Variants in PTK2 observed in about 807,000 individuals in gnomAD.
PTK2 encodes focal adhesion kinase 1.
In PTK2, 45 loss-of-function variants were observed where a neutral mutation model predicts 150.1. The observed-to-expected ratio is 0.30, with a 90% CI of 0.24 to 0.38. PTK2 has a LOEUF of 0.38. Among genes scored for constraint, PTK2 ranks in the 10% least tolerant of loss-of-function variants. The probability of loss-of-function intolerance (pLI) is 1.00; values close to 1 mark genes in which losing one functional copy is unlikely to be tolerated. For synonymous variants in PTK2, 432 were observed against 449.2 expected (o/e 0.96, Z 0.48); for missense variants, 919 against 1,307.3 (o/e 0.70, Z 4.58).
chr8:140,689,871 G>A (rs566625493), intron 26 of PTK2, among the ~76,000 whole-genome samples: 1 of 152,344 alleles, frequency 6.6e-6, no homozygotes, highest in African/African-American at 2.4e-5. Flanking sequence ...TAGGGGTTCT[G>A]TTGAAGGGCT....
At chr8:140,869,951 T>C (rs147237854) in intron 4 of PTK2, among the ~76,000 whole-genome samples, 129 of 152,212 alleles carry the variant, frequency 8.5e-4, no homozygotes, top group Admixed American at 7.6e-3. Flanking sequence ...TATATGTGTA[T>C]AATATATACA....
chr8:140,689,711 C>A (rs529597546), intron 26 of PTK2, among the ~76,000 whole-genome samples: 5 of 152,148 alleles, frequency 3.3e-5, no homozygotes, highest in Non-Finnish European at 7.4e-5. Context: ...ATATGCAAAG[C>A]AAATGAGGTC....
At chr8:140,871,233 C>A (rs2100142328) in intron 4 of PTK2, among the ~76,000 whole-genome samples, 1 of 152,090 alleles carries the variant, frequency 6.6e-6, no homozygotes, top group Non-Finnish European at 1.5e-5. Flanking sequence ...TTCAAAATTT[C>A]TCCACTAAAT....
intron 1 of PTK2, among the ~76,000 whole-genome samples, chr8:140,999,850 A>C (rs1474684380): frequency 2.0e-5 from 3 of 152,120 alleles, no homozygotes; most frequent in Non-Finnish European, 2.9e-5. Context: ...GCGATGGTTA[A>C]GTCTTAAATA....
chr8:140,872,895 C>T (rs766293164), intron 4 of PTK2, among the ~76,000 whole-genome samples: 6 of 152,058 alleles, frequency 3.9e-5, no homozygotes, highest in Non-Finnish European at 8.8e-5. Flanking sequence ...GTGTGAAATT[C>T]AGTAGTATTT....
chr8:140,986,573 C>CAG (rs1378299092), intron 1 of PTK2, among the ~76,000 whole-genome samples: 1 of 152,164 alleles, frequency 6.6e-6, no homozygotes, highest in Non-Finnish European at 1.5e-5. Context: ...TAAGACAGTG[C>CAG]AGAGAGGGGG....
intron 1 of PTK2, among the ~76,000 whole-genome samples, chr8:140,976,598 T>C (rs1179538004): frequency 1.3e-5 from 2 of 152,222 alleles, no homozygotes; most frequent in Non-Finnish European, 2.9e-5. Context: ...AAACTGGCAG[T>C]TGAGGCAGTC....
intron 22 of PTK2, among the ~76,000 whole-genome samples, chr8:140,720,009 G>A (rs979647970): frequency 2.5e-4 from 38 of 152,118 alleles, no homozygotes; most frequent in African/African-American, 8.7e-4. Flanking sequence ...GGCCTGGTAC[G>A]TTCTAGCTGC....
intron 27 of PTK2, among the ~76,000 whole-genome samples, chr8:140,679,536 G>C (rs760564219): frequency 1.2e-4 from 18 of 152,130 alleles, no homozygotes; most frequent in Non-Finnish European, 2.5e-4. Context: ...TGTGGAGCTA[G>C]GCCTCGTGCA....
At chr8:140,725,243 C>T (rs1297810901) in intron 22 of PTK2, among the ~76,000 whole-genome samples, 1 of 152,212 alleles carries the variant, frequency 6.6e-6, no homozygotes, top group Non-Finnish European at 1.5e-5. Flanking sequence ...ATGTGATCCT[C>T]CCATCTCAGC....
intron 1 of PTK2, among the ~76,000 whole-genome samples, chr8:140,982,864 A>C (rs1049967708): frequency 6.6e-6 from 1 of 152,238 alleles, no homozygotes; most frequent in Non-Finnish European, 1.5e-5. Flanking sequence ...TGAAAGTGGT[A>C]ATGAATAAAC....
intron 1 of PTK2, among the ~76,000 whole-genome samples, chr8:140,971,921 A>G (rs1365452256): frequency 3.3e-5 from 5 of 152,238 alleles, no homozygotes; most frequent in African/African-American, 1.2e-4. Context: ...GAAGTGATTA[A>G]TCTGCAATGC....
intron 1 of PTK2, among the ~76,000 whole-genome samples, chr8:140,977,767 A>G (rs552109045): frequency 6.6e-6 from 1 of 152,312 alleles, no homozygotes; most frequent in Non-Finnish European, 1.5e-5. Context: ...CCTTGGATAA[A>G]GAGAGATTCC....
At chr8:141,001,337 C>T (rs2100200195), upstream of PTK2, 1 of 149,282 alleles carries the variant, frequency 6.7e-6, no homozygotes, top group Non-Finnish European at 1.5e-5. Context: ...GGCGCGCGTC[C>T]TCTCTCGGCA....
intron 25 of PTK2, among the ~76,000 whole-genome samples, chr8:140,702,059 C>T (rs781396740): frequency 2.5e-5 from 3 of 120,458 alleles, no homozygotes; most frequent in Non-Finnish European, 3.2e-5. Context: ...ACGTGGGAGG[C>T]GGAGGTTGCA....
chr8:140,939,356 A>G (rs2100174864), intron 1 of PTK2, among the ~76,000 whole-genome samples: 1 of 152,194 alleles, frequency 6.6e-6, no homozygotes, highest in Non-Finnish European at 1.5e-5. Flanking sequence ...CACATCTATC[A>G]CTGCTATTGA....
In PTK2 at chr8:140,848,562, C is replaced by T. The variant is rs180741997; in HGVS notation, c.451-1884G>A. On this transcript the variant is annotated intron_variant, in intron 5 of 31. Coordinates refer to ENST00000522684, the Ensembl canonical transcript of PTK2. ...CAAGGAACAAGAGTTTCTACTCCTTCCACAAAGCAGGCACTCAAGACTGAC... is the reference window on the plus strand; with the variant it reads ...CAAGGAACAAGAGTTTCTACTCCTTTCACAAAGCAGGCACTCAAGACTGAC... 2.8e-4 allele frequency among the ~76,000 whole-genome samples: 42 copies of T among 152,270 alleles called. No individual in the cohort carries two copies. In the East Asian group the frequency reaches 6.4e-3, roughly 23 times the overall value.
chr8:140,799,963 T>C (rs1270329378), intron 12 of PTK2, among the ~76,000 whole-genome samples: 1 of 152,202 alleles, frequency 6.6e-6, no homozygotes, highest in African/African-American at 2.4e-5. Flanking sequence ...TCCACACCGC[T>C]TTTATAGTGA....
At chr8:140,866,995 A>C (rs1426956746) in intron 4 of PTK2, among the ~76,000 whole-genome samples, 1 of 152,226 alleles carries the variant, frequency 6.6e-6, no homozygotes, top group Non-Finnish European at 1.5e-5. Flanking sequence ...AAAGTGTTCT[A>C]GTCAGGTGGA....
Sources: gnomAD v4.1 joint callset for allele counts (sites outside exome capture counted in the v4.1 genomes callset) on GRCh38, gnomAD v4.1.1 for gene constraint, MANE v1.5 for transcripts, NCBI Gene and HGNC (gene_info 2026-07-23, HGNC 2026-07-21) for gene names.